PAX5: variants seen among roughly 807,000 people sequenced by gnomAD.
PAX5 encodes paired box protein Pax-5.
A neutral mutation model predicts 43.7 loss-of-function variants in PAX5; 9 were observed. The observed-to-expected ratio is 0.21, with a 90% CI of 0.12 to 0.36. PAX5 has a LOEUF of 0.36. Among genes scored for constraint, PAX5 ranks in the 10% least tolerant of loss-of-function variants. The pLI is 1.00. For synonymous variants in PAX5, 228 were observed against 214.3 expected, an observed-to-expected ratio of 1.06 and a Z score of -0.56; for missense variants, 383 against 532.7, an observed-to-expected ratio of 0.72 and a Z score of 2.77.
At position 36,838,432 on chromosome 9, in the gene PAX5, C is replaced by A. The variant is rs1183163811; in HGVS notation, c.*2128G>T. The A allele has an allele frequency of 8.6e-6, 2 of 232,584 alleles. No homozygotes were observed. Among genetic ancestry groups the A allele is most frequent in the Non-Finnish European group, 1.7e-5 (2 of 117,794 alleles). 14.4% of individuals were successfully genotyped at this position (232,584 alleles called of 1,614,324 possible). On this transcript the variant is annotated 3_prime_UTR_variant, in exon 10 of 10. Transcript: ENST00000358127. ...CCAGCCCCACCCCCACCAGTCACTG[C>A]TTGAGGACTCCACCTTGCTGAGCCT...
At chr9:36,843,879 C>T (rs770288184) in intron 9 of PAX5, among the ~76,000 whole-genome samples, 10 of 152,276 alleles carry the variant, frequency 6.6e-5, no homozygotes, top group South Asian at 2.1e-4. Context: ...CCAAGCACCC[C>T]GGGAAAAGTT....
At chr9:36,865,148 C>G (rs1439985370) in intron 8 of PAX5, among the ~76,000 whole-genome samples, 1 of 152,190 alleles carries the variant, frequency 6.6e-6, no homozygotes, top group African/African-American at 2.4e-5. Flanking sequence ...TACAGAGCCC[C>G]CTATTTGGAA....
chr9:36,909,672 T>A (rs1173416866), intron 7 of PAX5, among the ~76,000 whole-genome samples: 1 of 151,946 alleles, frequency 6.6e-6, no homozygotes, highest in East Asian at 1.9e-4. Context: ...AGCTGCCAGG[T>A]GGGGTGTGGG....
chr9:36,910,017 T>A (rs980972828), intron 7 of PAX5, among the ~76,000 whole-genome samples: 14 of 151,914 alleles, frequency 9.2e-5, no homozygotes, highest in Non-Finnish European at 1.8e-4. Context: ...GAGACGGGGT[T>A]TCACCATGTT....
intron 5 of PAX5, among the ~76,000 whole-genome samples, chr9:37,000,298 G>A (rs968137570): frequency 6.6e-6 from 1 of 152,100 alleles, no homozygotes; most frequent in African/African-American, 2.4e-5. Flanking sequence ...GTTAGGGGGA[G>A]GCTCTGGTTG....
intron 5 of PAX5, among the ~76,000 whole-genome samples, chr9:36,972,755 C>T (rs539968328): frequency 8.5e-5 from 13 of 152,276 alleles, no homozygotes; most frequent in South Asian, 6.2e-4. Flanking sequence ...AGGCTGGGCA[C>T]GGTGGCTTAT....
intron 2 of PAX5, 48 bp downstream of exon 2, chr9:37,020,588 A>T (rs2132502481): frequency 1.3e-6 from 2 of 1,573,426 alleles, no homozygotes; most frequent in Non-Finnish European, 1.7e-6. Flanking sequence ...GTCATGTTTT[A>T]GGTCTTTATT....
At chr9:37,016,506 G>A (rs1250909637) in intron 2 of PAX5, among the ~76,000 whole-genome samples, 3 of 152,084 alleles carry the variant, frequency 2.0e-5, no homozygotes, top group East Asian at 1.9e-4. Flanking sequence ...GGATGTCAGG[G>A]TTTTACAGTA....
chr9:37,025,644 C>A (rs1283575066), intron 1 of PAX5, among the ~76,000 whole-genome samples: 1 of 152,162 alleles, frequency 6.6e-6, no homozygotes, highest in Non-Finnish European at 1.5e-5. Flanking sequence ...GTTAACTCAC[C>A]GTGAGAGGAG....
At position 36,840,575 on chromosome 9, in the gene PAX5, G is replaced by T; in HGVS notation, c.1161C>A (p.Ala387=). 1 of 1,586,994 alleles carries T rather than the reference G, an allele frequency of 6.3e-7. No individual in the cohort carries two copies. Among genetic ancestry groups the T allele is most frequent in the East Asian group, 2.3e-5 (1 of 43,988 alleles). Residue 387 remains alanine, a synonymous_variant, in exon 10 of 10, where the codon GCC becomes GCA. Transcript: ENST00000358127. ...GCTCCAAGGGTCAGTGACGGTCATAGGCAGTGGCGGCTGCAGGTGGGGCGG... is the reference window on the plus strand; with the variant it reads ...GCTCCAAGGGTCAGTGACGGTCATATGCAGTGGCGGCTGCAGGTGGGGCGG... ...RGAAPPAAAT[A]YDRH
chr9:36,986,467 G>A (rs2132303787), intron 5 of PAX5, among the ~76,000 whole-genome samples: 1 of 152,230 alleles, frequency 6.6e-6, no homozygotes, highest in South Asian at 2.1e-4. Flanking sequence ...AATTGCAAAT[G>A]CTTGGCGGAG....
In PAX5 at chr9:37,034,190, T is replaced by A; in HGVS notation, c.-159A>T. Reference sequence around the variant, plus strand: ...CTTCCGCTCCCCCGCCGAGCTGGGGTAGCTGATCACTGAGCTGAAACTAAA... The same window carrying A: ...CTTCCGCTCCCCCGCCGAGCTGGGGAAGCTGATCACTGAGCTGAAACTAAA... On this transcript the variant is annotated 5_prime_UTR_variant, in exon 1 of 10. Coordinates refer to ENST00000358127, the MANE Select transcript of PAX5 (RefSeq NM_016734.3). The A allele has an allele frequency of 1.7e-6, 1 of 588,084 alleles. No homozygotes were observed. Among genetic ancestry groups the A allele is most frequent in the Non-Finnish European group, 2.9e-6 (1 of 344,328 alleles). The allele number at this position is 588,084 out of a possible 1,614,324, so 36.4% of individuals were successfully genotyped here. A position where few individuals can be genotyped will look rare whatever the true frequency, so the allele number is the denominator to read the frequency against.
chr9:36,940,518 G>A (rs1010530799), intron 6 of PAX5, among the ~76,000 whole-genome samples: 3 of 152,094 alleles, frequency 2.0e-5, no homozygotes, highest in South Asian at 4.1e-4. Context: ...ACATGCTTGC[G>A]CACACGACCC....
In PAX5 at chr9:37,024,461, T is replaced by A. The variant is rs114523223; in HGVS notation, c.47-3660A>T. Among the ~76,000 whole-genome samples, 1,130 of 152,262 alleles carry A rather than the reference T, an allele frequency of 7.4e-3. 17 individuals are homozygous for A. Among genetic ancestry groups the A allele is most frequent in the African/African-American group, 0.026 (1,069 of 41,524 alleles). ...GACGAAGTGGGACTTGATCTGAGCC[T>A]CTACTACCTCAGCCACCTTCCAGGA... On this transcript the variant is annotated intron_variant, in intron 1 of 9. Transcript: ENST00000358127.
intron 8 of PAX5, among the ~76,000 whole-genome samples, chr9:36,880,510 A>T (rs1826318343): frequency 6.6e-6 from 1 of 152,234 alleles, no homozygotes; most frequent in Non-Finnish European, 1.5e-5. Flanking sequence ...GCAGGGCTAA[A>T]GTGGGGCCCT....
chr9:36,929,007 C>T (rs1587999672), intron 6 of PAX5, among the ~76,000 whole-genome samples: 2 of 152,192 alleles, frequency 1.3e-5, no homozygotes, highest in South Asian at 4.1e-4. Flanking sequence ...CCAGGAAACT[C>T]GGTCAAATTC....
chr9:36,866,245 G>A (rs745940087), intron 8 of PAX5, among the ~76,000 whole-genome samples: 4 of 152,344 alleles, frequency 2.6e-5, no homozygotes, highest in African/African-American at 7.2e-5. Context: ...AGTTGGGGTC[G>A]TGGTCAGATT....
intron 6 of PAX5, among the ~76,000 whole-genome samples, chr9:36,961,677 CGGCA>C (rs1833986601): frequency 6.6e-6 from 1 of 152,200 alleles, no homozygotes; most frequent in Non-Finnish European, 1.5e-5. Context: ...AGAGTAAATA[CGGCA>C]GGCTATGCTC....
intron 7 of PAX5, among the ~76,000 whole-genome samples, chr9:36,890,786 G>T (rs1046650387): frequency 1.3e-5 from 2 of 152,158 alleles, no homozygotes; most frequent in East Asian, 3.8e-4. Flanking sequence ...GTGAAAGGAG[G>T]ATAAGCATAA....
Sources: allele counts gnomAD v4.1 joint callset (sites outside exome capture counted in the v4.1 genomes callset), GRCh38; gene constraint gnomAD v4.1.1; transcripts MANE v1.5; gene names NCBI Gene and HGNC (gene_info 2026-07-23, HGNC 2026-07-21).